The following ASTN1 variants were observed in gnomAD, a reference collection of about 807,000 sequenced individuals.
The protein encoded by ASTN1 is astrotactin-1.
A neutral mutation model predicts 140.7 loss-of-function variants in ASTN1; 41 were observed. The observed-to-expected ratio is 0.29, with a 90% CI of 0.23 to 0.38. The LOEUF (loss-of-function observed/expected upper bound fraction) is 0.38. Ranked by LOEUF, ASTN1 falls within the 10% of genes least tolerant of loss-of-function variation. The pLI is 1.00. For synonymous variants in ASTN1, 640 were observed against 652.2 expected (o/e 0.98, Z 0.29); for missense variants, 1,479 against 1,678.8 (o/e 0.88, Z 2.08).
rs80227724 is a variant in ASTN1 at position 177,154,100 on chromosome 1, T to G, written c.283+10294A>C. Reference sequence around the variant, plus strand: ...CCTGCTATGTATCCCAGAGAAATTTTCACAAAAGTCCTTGAGGAAATATGT... The same window carrying G: ...CCTGCTATGTATCCCAGAGAAATTTGCACAAAAGTCCTTGAGGAAATATGT... On this transcript the variant is annotated intron_variant, in intron 1 of 22. Coordinates refer to ENST00000361833, the MANE Select transcript of ASTN1 (RefSeq NM_004319.3). 2.6e-5 allele frequency among the ~76,000 whole-genome samples: 4 copies of G among 152,302 alleles called. No individual in the cohort carries two copies. The East Asian group carries it at 7.7e-4, about 29-fold the overall frequency.
intron 8 of ASTN1, among the ~76,000 whole-genome samples, chr1:176,968,215 G>A (rs938025462): frequency 2.6e-5 from 4 of 152,220 alleles, no homozygotes; most frequent in Non-Finnish European, 5.9e-5. Flanking sequence ...TGTAATTAAA[G>A]TGCCTAGAAC....
chr1:177,108,616 A>T (rs749821594), intron 1 of ASTN1, among the ~76,000 whole-genome samples: 2 of 152,206 alleles, frequency 1.3e-5, no homozygotes, highest in South Asian at 2.1e-4. Flanking sequence ...TTATCCATTC[A>T]TCTGACAATG....
intron 1 of ASTN1, among the ~76,000 whole-genome samples, chr1:177,149,074 T>C (rs1558130315): frequency 7.2e-6 from 1 of 139,394 alleles, no homozygotes; most frequent in Non-Finnish European, 1.5e-5. Context: ...ATAGTAACTA[T>C]ATATAGTAAA....
intron 8 of ASTN1, among the ~76,000 whole-genome samples, chr1:177,006,222 C>T (rs1409201791): frequency 2.6e-5 from 4 of 152,072 alleles, no homozygotes; most frequent in Non-Finnish European, 5.9e-5. Context: ...TTTAATGCTT[C>T]TTTATACGTT....
chr1:177,159,258 C>T (rs1435927155), intron 1 of ASTN1, among the ~76,000 whole-genome samples: 3 of 152,062 alleles, frequency 2.0e-5, no homozygotes, highest in Non-Finnish European at 4.4e-5. Flanking sequence ...CCTCTCAATA[C>T]TATAAATGAG....
intron 1 of ASTN1, among the ~76,000 whole-genome samples, chr1:177,146,178 A>G (rs535896963): frequency 1.3e-5 from 2 of 152,344 alleles, no homozygotes; most frequent in East Asian, 3.9e-4. Flanking sequence ...AATTTTTTAA[A>G]TACTGGCTTA....
intron 1 of ASTN1, among the ~76,000 whole-genome samples, chr1:177,094,469 G>C (rs924308853): frequency 1.3e-5 from 2 of 152,136 alleles, no homozygotes; most frequent in Non-Finnish European, 2.9e-5. Context: ...AAGAAAAGAG[G>C]CTCCAAAGAG....
At chr1:176,991,769 T>C (rs987765730) in intron 8 of ASTN1, among the ~76,000 whole-genome samples, 1 of 152,186 alleles carries the variant, frequency 6.6e-6, no homozygotes, top group African/African-American at 2.4e-5. Context: ...CTCCACCACT[T>C]ACAAGCCATT....
At chr1:177,073,139 C>A (rs578183499) in intron 1 of ASTN1, among the ~76,000 whole-genome samples, 2 of 152,056 alleles carry the variant, frequency 1.3e-5, no homozygotes, top group Non-Finnish European at 2.9e-5. Flanking sequence ...GTAGCTTCTC[C>A]ATCTACTCCT....
chr1:177,044,176 TACACAC>T (rs3979531), intron 2 of ASTN1, among the ~76,000 whole-genome samples: 4 of 143,382 alleles, frequency 2.8e-5, no homozygotes, highest in African/African-American at 1.0e-4. Context: ...AAAAAAAAAA[TACACAC>T]ACACACACAC....
rs771630171 is a variant in ASTN1, at chr1:177,024,701, G to T, written c.1152C>A (p.Thr384=). ...VGSPRSPVNK[T]TLTLISITSC... is the part of the protein sequence containing the mutation. The stretch of plus-strand genomic sequence containing the variant: ...TGGTGATGCTGATCAGGGTCAAGGT[G>T]GTCTTATTCACAGGACTTCGGGGAG... Residue 384 remains threonine (T), a synonymous_variant, in exon 6 of 23, where the codon ACC becomes ACA. Transcript: ENST00000361833. 3 of 1,613,912 alleles carry T rather than the reference G, an allele frequency of 1.9e-6. No individual in the cohort carries two copies. Among genetic ancestry groups the T allele is most frequent in the Non-Finnish European group, 2.5e-6 (3 of 1,179,900 alleles).
chr1:177,032,405 G>C, intron 3 of ASTN1, 51 bp downstream of exon 3: 1 of 1,580,850 alleles, frequency 6.3e-7, no homozygotes, highest in Non-Finnish European at 8.6e-7. Context: ...CCACTCCCCA[G>C]CTCCTTGAGA....
At chr1:176,977,978 G>C (rs149817502) in intron 8 of ASTN1, among the ~76,000 whole-genome samples, 1 of 152,328 alleles carries the variant, frequency 6.6e-6, no homozygotes, top group Non-Finnish European at 1.5e-5. Flanking sequence ...AGTGGGTTCA[G>C]AGGAAGAAGA....
chr1:176,895,637 T>C (rs1669470816), intron 16 of ASTN1, among the ~76,000 whole-genome samples: 2 of 152,200 alleles, frequency 1.3e-5, no homozygotes, highest in East Asian at 1.9e-4. Context: ...ATCAATTTTG[T>C]TTGTTGAGTA....
At chr1:176,871,427 C>T (rs770965413) in intron 21 of ASTN1, among the ~76,000 whole-genome samples, 16 of 152,166 alleles carry the variant, frequency 1.1e-4, no homozygotes, top group Admixed American at 9.8e-4. Flanking sequence ...ACAGTCCACA[C>T]GCCAGGCCCT....
At chr1:176,970,277 G>A (rs1243357573) in intron 8 of ASTN1, among the ~76,000 whole-genome samples, 1 of 152,202 alleles carries the variant, frequency 6.6e-6, no homozygotes, top group African/African-American at 2.4e-5. Flanking sequence ...CTGATAGCTT[G>A]GGCATTTCTT....
chr1:177,005,084 A>T (rs1166220152), intron 8 of ASTN1, among the ~76,000 whole-genome samples: 1 of 152,174 alleles, frequency 6.6e-6, no homozygotes, highest in African/African-American at 2.4e-5. Flanking sequence ...TATTTGCAAA[A>T]CATGCATCTG....
chr1:177,075,165 C>T (rs2102063155), intron 1 of ASTN1, among the ~76,000 whole-genome samples: 1 of 152,170 alleles, frequency 6.6e-6, no homozygotes, highest in South Asian at 2.1e-4. Context: ...CCTCCGCCTC[C>T]CAGGTTCAAG....
At chr1:176,991,413 C>CAAAAAAAAAAAAAAAAAAAAAAAAAAAAA (rs1200261285) in intron 8 of ASTN1, among the ~76,000 whole-genome samples, 2 of 109,540 alleles carry the variant, frequency 1.8e-5, no homozygotes, top group Admixed American at 1.0e-4. Flanking sequence ...AACTCTGTCT[C>CAAAAAAAAAAAAAAAAAAAAAAAAAAAAA]AAAAAAAAAA....
Sources: gnomAD v4.1 joint callset for allele counts (sites outside exome capture counted in the v4.1 genomes callset) on GRCh38, gnomAD v4.1.1 for gene constraint, MANE v1.5 for transcripts, NCBI Gene and HGNC (gene_info 2026-07-23, HGNC 2026-07-21) for gene names.